The following PTPRD variants were observed in gnomAD, a reference collection of about 807,000 sequenced individuals.
PTPRD encodes protein tyrosine phosphatase receptor type D.
PTPRD carries 34 observed loss-of-function variants against 214.5 expected under a neutral mutation model. The ratio of observed to expected loss-of-function variants is 0.16; its 90% confidence interval spans 0.12 to 0.21. The LOEUF (loss-of-function observed/expected upper bound fraction) is 0.21, where lower values mean the gene tolerates loss of function less well. Ranked by LOEUF, PTPRD falls within the 10% of genes least tolerant of loss-of-function variation. The pLI is 1.00. For missense variants in PTPRD, 2,545 were observed against 2,398.7 expected (o/e 1.06, Z -1.27); for synonymous variants, 1,128 against 845.7 (o/e 1.33, Z -5.79).
chr9:10,346,544 C>A (rs868737010), intron 2 of PTPRD, among the ~76,000 whole-genome samples: 1 of 152,170 alleles, frequency 6.6e-6, no homozygotes, highest in Non-Finnish European at 1.5e-5. Context: ...TTCTAAACTG[C>A]AAGTGATATT....
At chr9:9,242,277 A>AT (rs901213678) in intron 9 of PTPRD, among the ~76,000 whole-genome samples, 6 of 151,978 alleles carry the variant, frequency 3.9e-5, no homozygotes, top group African/African-American at 1.4e-4. Context: ...TGCCCTTAAC[A>AT]TTTTTTCCTT....
intron 26 of PTPRD, 98 bp downstream of exon 26, chr9:8,497,144 A>G: frequency 9.2e-7 from 1 of 1,081,480 alleles, no homozygotes; most frequent in Non-Finnish European, 1.3e-6. Context: ...TCATGCATCC[A>G]AGCAAACTGT....
intron 2 of PTPRD, among the ~76,000 whole-genome samples, chr9:10,532,685 G>T (rs1434229227): frequency 1.3e-5 from 2 of 149,380 alleles, no homozygotes; most frequent in East Asian, 4.1e-4. Flanking sequence ...TTGCACCAGG[G>T]AATCTCTCCT....
intron 8 of PTPRD, among the ~76,000 whole-genome samples, chr9:9,512,711 G>C (rs1330476858): frequency 6.6e-6 from 1 of 151,198 alleles, no homozygotes; most frequent in African/African-American, 2.4e-5. Context: ...TCTAACCCTG[G>C]GGACTATACA....
chr9:8,555,572 T>C (rs1411569518), intron 14 of PTPRD, among the ~76,000 whole-genome samples: 2 of 152,214 alleles, frequency 1.3e-5, no homozygotes, highest in Admixed American at 1.3e-4. Flanking sequence ...AGGAACACAG[T>C]CTTTAAATGG....
chr9:10,396,478 C>A (rs2098172858), intron 2 of PTPRD, among the ~76,000 whole-genome samples: 1 of 151,900 alleles, frequency 6.6e-6, no homozygotes, highest in African/African-American at 2.4e-5. Flanking sequence ...TATTCATCAT[C>A]CTTTCTTTTT....
chr9:10,549,441 C>T (rs1210924949), intron 2 of PTPRD, among the ~76,000 whole-genome samples: 2 of 151,960 alleles, frequency 1.3e-5, no homozygotes, highest in African/African-American at 2.4e-5. Flanking sequence ...TAAATTAATC[C>T]CCTTCTCCCC....
intron 3 of PTPRD, among the ~76,000 whole-genome samples, chr9:10,217,379 C>T (rs950830193): frequency 1.3e-5 from 2 of 151,790 alleles, no homozygotes; most frequent in Admixed American, 6.6e-5. Flanking sequence ...CAGCCTCCCC[C>T]TCCTCCATAT....
At chr9:9,943,959 T>C (rs765200168) in intron 4 of PTPRD, among the ~76,000 whole-genome samples, 1 of 152,188 alleles carries the variant, frequency 6.6e-6, no homozygotes, top group Non-Finnish European at 1.5e-5. Flanking sequence ...CATATTTCAT[T>C]AACAGCTCCA....
At chr9:10,427,650 T>C (rs527822205) in intron 2 of PTPRD, among the ~76,000 whole-genome samples, 1 of 152,208 alleles carries the variant, frequency 6.6e-6, no homozygotes, top group East Asian at 1.9e-4. Context: ...TGAGCGGACA[T>C]GTAGTTTCTG....
chr9:8,611,813 G>GGAGAGGA (rs1435557125), intron 14 of PTPRD, among the ~76,000 whole-genome samples: 2 of 147,676 alleles, frequency 1.4e-5, no homozygotes, highest in African/African-American at 5.0e-5. Flanking sequence ...AAAGAGGAGA[G>GGAGAGGA]GAGAAGAGAG....
intron 12 of PTPRD, among the ~76,000 whole-genome samples, chr9:8,667,513 G>A (rs2097194495): frequency 6.6e-6 from 1 of 152,012 alleles, no homozygotes; most frequent in South Asian, 2.1e-4. Flanking sequence ...GACACCGAAA[G>A]TGAAAAATTC....
rs373439897 is a variant in PTPRD at position 9,904,807 on chromosome 9, G to A, written c.-368+33700C>T. Among the ~76,000 whole-genome samples the A allele has an allele frequency of 5.9e-5, 9 of 152,102 alleles. No homozygotes were observed. In the South Asian group the frequency reaches 1.0e-3, roughly 17 times the overall value. On this transcript the variant is annotated intron_variant, in intron 5 of 45. Coordinates refer to ENST00000381196, the MANE Select transcript of PTPRD (RefSeq NM_002839.4). ...ATAGATGACATAAAAGACATTCACC[G>A]AAGTTTTGTTCAACCAAGATCAAAC...
intron 11 of PTPRD, among the ~76,000 whole-genome samples, chr9:8,989,297 T>A (rs750774723): frequency 6.6e-6 from 1 of 152,102 alleles, no homozygotes; most frequent in Non-Finnish European, 1.5e-5. Context: ...TACTATTGAA[T>A]ACTAGAACTG....
At chr9:8,695,619 T>C (rs1162467019) in intron 12 of PTPRD, among the ~76,000 whole-genome samples, 1 of 152,176 alleles carries the variant, frequency 6.6e-6, no homozygotes, top group Non-Finnish European at 1.5e-5. Context: ...AATTTTTGAG[T>C]AAGTGATAAA....
rs1309010358 is a variant in PTPRD, at chr9:9,932,078, C to A, written c.-368+6429G>T. On this transcript the variant is annotated intron_variant, in intron 5 of 45. Coordinates refer to ENST00000381196, the MANE Select transcript of PTPRD (RefSeq NM_002839.4). Reference sequence around the variant, plus strand: ...CATCCACACCAAAAACCCATCTGTACATCACCATCATCAAAGACCAAAAGT... The same window carrying A: ...CATCCACACCAAAAACCCATCTGTAAATCACCATCATCAAAGACCAAAAGT... Among the ~76,000 whole-genome samples the A allele has an allele frequency of 2.7e-5, 4 of 149,406 alleles. No individual in the cohort carries two copies. In the East Asian group the frequency reaches 7.9e-4, roughly 30 times the overall value.
chr9:9,985,590 A>G (rs1156314144), intron 4 of PTPRD, among the ~76,000 whole-genome samples: 1 of 152,100 alleles, frequency 6.6e-6, no homozygotes, highest in Admixed American at 6.6e-5. Context: ...AATCCAAACA[A>G]CTGATTTATA....
intron 5 of PTPRD, among the ~76,000 whole-genome samples, chr9:9,826,016 G>A (rs1020530999): frequency 5.9e-5 from 9 of 151,562 alleles, no homozygotes; most frequent in African/African-American, 2.2e-4. Context: ...ATATCAGCAG[G>A]AAATTATTCA....
At chr9:8,696,126 G>C (rs928989822) in intron 12 of PTPRD, among the ~76,000 whole-genome samples, 1 of 152,176 alleles carries the variant, frequency 6.6e-6, no homozygotes, top group African/African-American at 2.4e-5. Flanking sequence ...ACCTCAGCTG[G>C]GTTGAGGACC....
Sources: gnomAD v4.1 joint callset for allele counts (sites outside exome capture counted in the v4.1 genomes callset) on GRCh38, gnomAD v4.1.1 for gene constraint, MANE v1.5 for transcripts, NCBI Gene and HGNC (gene_info 2026-07-23, HGNC 2026-07-21) for gene names.